The following POLR1C variants were observed in gnomAD, a reference collection of about 807,000 sequenced individuals.
POLR1C encodes RNA polymerase I and III subunit C, also known as DNA-directed RNA polymerases I and III subunit RPAC1.
POLR1C carries 42 observed loss-of-function variants against 38.3 expected under a neutral mutation model. The ratio of observed to expected loss-of-function variants is 1.10; its 90% CI spans 0.86 to 1.42. The LOEUF (loss-of-function observed/expected upper bound fraction) is 1.42. POLR1C is among the 40% of genes most tolerant of loss of function. The pLI is 0.00. For missense variants in POLR1C, 507 were observed against 450.5 expected (o/e 1.13, Z -1.14); for synonymous variants, 163 against 163.9 (o/e 0.99, Z 0.04).
intron 9 of POLR1C, chr6:43,549,842 T>C (rs1010173392): frequency 2.0e-6 from 3 of 1,533,674 alleles, no homozygotes; most frequent in South Asian, 1.2e-5. Context: ...CAGGTATTCA[T>C]ACATTTGTAC....
In POLR1C at chr6:43,520,364, C is replaced by T. The variant is rs1170579897; in HGVS notation, c.592C>T (p.Leu198Phe). 6.2e-7 allele frequency: 1 copy of T among 1,613,840 alleles called. No individual in the cohort carries two copies. The highest frequency in any genetic ancestry group is 1.3e-5 in the African/African-American group (1 of 75,052). Residue 198 changes from leucine to phenylalanine, a missense_variant, in exon 6 of 9, where the codon CTC becomes TTC. Physicochemically the swap from Leu to Phe is conservative, Grantham distance 22. Transcript: ENST00000642195. ...TATCCGACCAGTGCATGATGATATC[C>T]TCATCGCTCAGCTGCGGCCTGGCCA... ...GTIRPVHDDI[L>F]IAQLRPGQEI... is the part of the protein sequence containing the mutation.
downstream of POLR1C, chr6:43,524,986 C>G: frequency 6.2e-7 from 1 of 1,611,190 alleles, no homozygotes; most frequent in Admixed American, 1.7e-5. Flanking sequence ...GACAACTGTG[C>G]TTTAGGGCCA....
At chr6:43,549,880 T>C (rs1561876600) in intron 9 of POLR1C, 4 of 1,606,028 alleles carry the variant, frequency 2.5e-6, no homozygotes, top group African/African-American at 1.3e-5. Flanking sequence ...ATTGGTTTAA[T>C]TAATGGTCTT....
At chr6:43,527,511 A>G (rs1793674374) in intron 8 of POLR1C, 1 of 930,148 alleles carries the variant, frequency 1.1e-6, no homozygotes, top group South Asian at 1.6e-5. Flanking sequence ...TGACCTCGCA[A>G]TCCACCATGC....
chr6:43,527,842 C>T lies in POLR1C; in HGVS notation c.923-1407C>T, dbSNP rs565263848. 395 of 1,153,268 alleles carry T rather than the reference C, an allele frequency of 3.4e-4. 4 individuals carry two copies. In the South Asian group the frequency reaches 5.4e-3, roughly 16 times the overall value. 71.4% of individuals were successfully genotyped at this position (1,153,268 alleles called of 1,614,324 possible). The stretch of plus-strand genomic sequence containing the variant: ...ACCACTTTCTTCTCCTTTGGGTCTT[C>T]GTTTTATGCAAAAGTTGGGAATGGA... On this transcript the variant is annotated intron_variant, in intron 8 of 8. Transcript: ENST00000304004.
rs1373196230 is a variant in POLR1C at position 43,520,915 on chromosome 6, T to C, written c.806-17T>C. ...AATTAGAAAAAGGAATAAAAAAACATGGTTTGTTCTCATTAGGTAAAAAGG... is the reference window on the plus strand; with the variant it reads ...AATTAGAAAAAGGAATAAAAAAACACGGTTTGTTCTCATTAGGTAAAAAGG... On this transcript the variant is annotated splice_polypyrimidine_tract_variant and intron_variant, in intron 7 of 8. Transcript: ENST00000642195. 2 of 1,611,070 alleles carry C rather than the reference T, an allele frequency of 1.2e-6. No homozygotes were observed. The highest frequency in any genetic ancestry group is 1.3e-5 in the African/African-American group (1 of 74,848).
At position 43,520,301 on chromosome 6, in the gene POLR1C, C is replaced by T. The variant is rs926482939; in HGVS notation, c.529C>T (p.Pro177Ser). 1.2e-6 allele frequency: 2 copies of T among 1,613,042 alleles called. No homozygotes were observed. Among genetic ancestry groups the T allele is most frequent in the South Asian group, 1.1e-5 (1 of 91,084 alleles). ...GTATACCAGGCATATGACATGGATC[C>T]CCCTGGGGAACCAGGCTGATCTCTT... ...KVYTRHMTWI[P>S]LGNQADLFPE... The change falls in exon 6 of 9, where the codon CCC (proline) becomes TCC (serine). Residue 177 changes from proline to serine, a missense_variant. Pro to Ser is a moderately conservative substitution (Grantham distance 74). Coordinates refer to ENST00000642195, the MANE Select transcript of POLR1C (RefSeq NM_203290.4).
At chr6:43,560,975 G>A (rs915551971) in intron 10 of POLR1C, 1 of 1,613,942 alleles carries the variant, frequency 6.2e-7, no homozygotes, top group Non-Finnish European at 8.5e-7. Context: ...ATTTTCCAAA[G>A]TTTGATGGTG....
At chr6:43,553,409 A>T in intron 10 of POLR1C, 1 of 1,606,942 alleles carries the variant, frequency 6.2e-7, no homozygotes, top group South Asian at 1.1e-5. Context: ...GGGTGATAAC[A>T]CTTTCCAAAA....
intron 10 of POLR1C, chr6:43,560,204 G>A: frequency 1.9e-6 from 3 of 1,612,452 alleles, no homozygotes; most frequent in Non-Finnish European, 1.7e-6. Context: ...ATGGAAGCAC[G>A]AAGATATTTT....
At chr6:43,562,307 G>C in exon 11 of POLR1C, 2 of 1,609,866 alleles carry the variant, frequency 1.2e-6, no homozygotes, top group Non-Finnish European at 8.5e-7. Flanking sequence ...TCTTCAGAAA[G>C]ACGTAGTGTT....
chr6:43,529,045 C>T lies in POLR1C; in HGVS notation c.923-204C>T, dbSNP rs556992692. On this transcript the variant is annotated intron_variant, in intron 8 of 8. Coordinates refer to the POLR1C transcript ENST00000304004. ...GGATTTGCCAGATGTCAAAAATATC[C>T]TGTGTTAACAGTGAAAAAATCTTAA... is the stretch of plus-strand genomic sequence containing the variant. 1.6e-4 allele frequency: 183 copies of T among 1,129,774 alleles called. 1 individual carries two copies. The South Asian group carries it at 2.7e-3, about 16-fold the overall frequency. The allele number at this position is 1,129,774 out of a possible 1,614,324, so 70.0% of individuals were successfully genotyped here.
Position 43,558,442 on chromosome 6 carries a change from CATA to C in POLR1C, c.*49-2954_*49-2952del, listed in dbSNP as rs142030157. 92 of 1,444,428 alleles carry C rather than the reference CATA, an allele frequency of 6.4e-5. No homozygotes were observed. In the African/African-American group the frequency reaches 9.5e-4, roughly 15 times the overall value. 89.5% of individuals were successfully genotyped at this position (1,444,428 alleles called of 1,614,324 possible). On this transcript the variant is annotated intron_variant, in intron 10 of 10. Transcript: ENST00000607635. ...ACCCCAAACACCATGCACCATGATT[CATA>C]ATACTAGATGCCATTCTGAGACTGT...
intron 8 of POLR1C, among the ~76,000 whole-genome samples, chr6:43,527,960 GC>G: frequency 6.6e-6 from 1 of 152,310 alleles, no homozygotes; most frequent in South Asian, 2.1e-4. Context: ...GGTAACAGTA[GC>G]CCCTATGAAG....
chr6:43,557,192 C>T (rs981306573), intron 10 of POLR1C, among the ~76,000 whole-genome samples: 4 of 148,182 alleles, frequency 2.7e-5, no homozygotes, highest in South Asian at 2.1e-4. Flanking sequence ...TTTGGGAAGC[C>T]GAGGCGGGTG....
intron 9 of POLR1C, among the ~76,000 whole-genome samples, chr6:43,534,922 G>C (rs1450845876): frequency 1.3e-5 from 2 of 151,882 alleles, no homozygotes; most frequent in African/African-American, 2.4e-5. Flanking sequence ...TTGAACTTGC[G>C]AGGCAGAGGT....
chr6:43,543,676 T>A (rs1203887377), intron 9 of POLR1C, among the ~76,000 whole-genome samples: 2 of 151,932 alleles, frequency 1.3e-5, no homozygotes, highest in Non-Finnish European at 2.9e-5. Context: ...TTATTTAATT[T>A]TTTTTTTCTT....
chr6:43,557,364 T>G (rs895980878), intron 10 of POLR1C, among the ~76,000 whole-genome samples: 3 of 151,254 alleles, frequency 2.0e-5, no homozygotes, highest in Non-Finnish European at 4.4e-5. Context: ...AGGCAGAGGT[T>G]GCAGTGAGCC....
At chr6:43,550,463 C>T (rs544194228) in intron 9 of POLR1C, among the ~76,000 whole-genome samples, 3 of 152,280 alleles carry the variant, frequency 2.0e-5, no homozygotes, top group South Asian at 2.1e-4. Flanking sequence ...TTCTCTGGCT[C>T]TTTTTCCTTC....
Sources: allele counts gnomAD v4.1 joint callset (sites outside exome capture counted in the v4.1 genomes callset), GRCh38; gene constraint gnomAD v4.1.1; transcripts MANE v1.5; gene names NCBI Gene and HGNC (gene_info 2026-07-23, HGNC 2026-07-21).